Variants in TCERG1L observed in about 807,000 individuals in gnomAD.
TCERG1L encodes the protein transcription elongation regulator 1-like protein.
In TCERG1L, 37 loss-of-function variants were observed where a neutral mutation model predicts 56.3. The ratio of observed to expected loss-of-function variants is 0.66; its 90% confidence interval spans 0.51 to 0.87. The LOEUF (loss-of-function observed/expected upper bound fraction) is 0.87, where lower values mean the gene tolerates loss of function less well. TCERG1L is among the 40% of genes least tolerant of loss of function. TCERG1L has a pLI of 0.00. For synonymous variants in TCERG1L, 324 were observed against 326.3 expected, an observed-to-expected ratio of 0.99 and a Z score of 0.08; for missense variants, 799 against 774.2, an observed-to-expected ratio of 1.03 and a Z score of -0.38.
intron 4 of TCERG1L, among the ~76,000 whole-genome samples, chr10:131,249,444 G>A (rs776776829): frequency 2.6e-5 from 4 of 151,974 alleles, no homozygotes; most frequent in East Asian, 1.9e-4. Context: ...GGGCTTTCAC[G>A]GCCCTGACAG....
At chr10:131,233,777 T>A (rs111419857) in intron 4 of TCERG1L, among the ~76,000 whole-genome samples, 1 of 152,306 alleles carries the variant, frequency 6.6e-6, no homozygotes, top group Admixed American at 6.5e-5. Context: ...CCAAAACGCA[T>A]GATGAAATCT....
At chr10:131,254,727 C>T (rs1016669272) in intron 4 of TCERG1L, among the ~76,000 whole-genome samples, 4 of 152,116 alleles carry the variant, frequency 2.6e-5, no homozygotes, top group Admixed American at 6.5e-5. Flanking sequence ...CAAAAGGAGG[C>T]GTCAGGACGA....
intron 5 of TCERG1L, chr10:131,164,175 C>G (rs532294626): frequency 2.6e-4 from 38 of 147,712 alleles, no homozygotes; most frequent in African/African-American, 8.7e-4. Context: ...AAATTTATCA[C>G]CTAGAATAAA....
chr10:131,145,905 G>A (rs895041057), intron 7 of TCERG1L, among the ~76,000 whole-genome samples: 2 of 152,198 alleles, frequency 1.3e-5, no homozygotes, highest in African/African-American at 4.8e-5. Flanking sequence ...AGATCTAATC[G>A]GAAAAGATCC....
At chr10:131,304,641 C>T (rs957240785) in intron 3 of TCERG1L, among the ~76,000 whole-genome samples, 5 of 152,084 alleles carry the variant, frequency 3.3e-5, no homozygotes, top group African/African-American at 1.2e-4. Flanking sequence ...TCAACCCATT[C>T]ACAATGATCA....
rs531064805 is a variant in TCERG1L at position 131,135,917 on chromosome 10, C to T, written c.1190-1469G>A. Among the ~76,000 whole-genome samples the T allele has an allele frequency of 1.2e-4, 19 of 152,326 alleles. 1 individual carries two copies. The East Asian group carries it at 2.5e-3, about 20-fold the overall frequency. On this transcript the variant is annotated intron_variant, in intron 7 of 11. Transcript: ENST00000368642. ...AAGGGCGGAGGAGCCACAGCCCGGG[C>T]GGAGCTTCCTGGCTTTTCAGCGGCC...
At chr10:131,234,333 G>A (rs1425995967) in intron 4 of TCERG1L, among the ~76,000 whole-genome samples, 1 of 152,200 alleles carries the variant, frequency 6.6e-6, no homozygotes, top group African/African-American at 2.4e-5. Flanking sequence ...TTTTACCAAT[G>A]TAATTTCATG....
chr10:131,197,528 A>G (rs941641048), intron 4 of TCERG1L, among the ~76,000 whole-genome samples: 5 of 152,028 alleles, frequency 3.3e-5, no homozygotes, highest in African/African-American at 1.2e-4. Context: ...CACAAAGTGT[A>G]CAAAGGTACA....
chr10:131,106,190 T>A (rs1362971798), intron 9 of TCERG1L, among the ~76,000 whole-genome samples: 1 of 152,238 alleles, frequency 6.6e-6, no homozygotes, highest in Non-Finnish European at 1.5e-5. Flanking sequence ...ACATGGACTA[T>A]GTATTCACTG....
chr10:131,189,441 G>A (rs1480247235), intron 4 of TCERG1L, among the ~76,000 whole-genome samples: 4 of 152,204 alleles, frequency 2.6e-5, no homozygotes, highest in African/African-American at 9.7e-5. Context: ...CTGACCCGCA[G>A]TGTCTGGCTC....
Position 131,311,522 on chromosome 10 carries a change from G to GGGC in TCERG1L, c.111_113dup (p.Pro38dup), listed in dbSNP as rs891363436. Reference sequence around the variant, plus strand: ...CCGAGCCCGGCACCATCCAGACCCAGGGCGGCGGCGGCGGCGGCTCTGCGT... The same window carrying GGGC: ...CCGAGCCCGGCACCATCCAGACCCAGGGCGGCGGCGGCGGCGGCGGCTCTGCGT... On this transcript the variant is annotated inframe_insertion, in exon 1 of 12. Coordinates refer to ENST00000368642, the MANE Select transcript of TCERG1L (RefSeq NM_174937.4). This position sits in a 1 kb window ranked among gnomAD's most constrained non-coding sequence, Gnocchi z 4.0. 61 of 1,200,476 alleles carry GGGC rather than the reference G, an allele frequency of 5.1e-5. No homozygotes were observed. Among genetic ancestry groups the GGGC allele is most frequent in the South Asian group, 9.4e-5 (3 of 31,818 alleles). The allele number at this position is 1,200,476 out of a possible 1,614,324, so 74.4% of individuals were successfully genotyped here.
At chr10:131,141,219 T>C (rs1260693438) in intron 7 of TCERG1L, among the ~76,000 whole-genome samples, 1 of 152,156 alleles carries the variant, frequency 6.6e-6, no homozygotes, top group Non-Finnish European at 1.5e-5. Flanking sequence ...CTGTGATCTC[T>C]GCAGGGCTTC....
chr10:131,184,131 C>T (rs967854665), intron 4 of TCERG1L, among the ~76,000 whole-genome samples: 21 of 152,242 alleles, frequency 1.4e-4, no homozygotes, highest in African/African-American at 5.1e-4. Context: ...CACTCCAACA[C>T]CCCCTTGCCT....
intron 4 of TCERG1L, among the ~76,000 whole-genome samples, chr10:131,176,003 G>A (rs78792841): frequency 1.6e-4 from 25 of 152,244 alleles, no homozygotes; most frequent in African/African-American, 5.3e-4. Context: ...TTTAAGCAAC[G>A]CCCACCTTTC....
At chr10:131,222,567 T>A (rs1012052686) in intron 4 of TCERG1L, among the ~76,000 whole-genome samples, 2 of 152,146 alleles carry the variant, frequency 1.3e-5, no homozygotes, top group Admixed American at 1.3e-4. Context: ...AGTTCTAGAT[T>A]TTCACATGGT....
At chr10:131,136,539 A>C (rs1481207453) in intron 7 of TCERG1L, among the ~76,000 whole-genome samples, 2 of 152,030 alleles carry the variant, frequency 1.3e-5, no homozygotes, top group East Asian at 3.9e-4. Flanking sequence ...CCTGTCACCC[A>C]GGCTGGAGTA....
chr10:131,266,697 C>A (rs1345303425), intron 3 of TCERG1L, among the ~76,000 whole-genome samples: 5 of 152,096 alleles, frequency 3.3e-5, no homozygotes, highest in Non-Finnish European at 5.9e-5. Context: ...GAGTGTTCAG[C>A]TCTCAGCAGA....
chr10:131,124,776 C>T lies in TCERG1L; in HGVS notation c.1260-7842G>A, dbSNP rs147826540. On this transcript the variant is annotated intron_variant, in intron 8 of 11. Coordinates refer to ENST00000368642, the MANE Select transcript of TCERG1L (RefSeq NM_174937.4). ...TCGCAGGGGTGACCTGAGGAGGGAA[C>T]GCTGGGCGCTAATAAAATGCGTGGT... is the stretch of plus-strand genomic sequence containing the variant. Among the ~76,000 whole-genome samples the T allele has an allele frequency of 3.2e-3, 492 of 152,314 alleles. 3 individuals carry two copies. Among genetic ancestry groups the T allele is most frequent in the African/African-American group, 0.011 (464 of 41,574 alleles).
At chr10:131,184,900 C>T (rs539873839) in intron 4 of TCERG1L, among the ~76,000 whole-genome samples, 1 of 152,246 alleles carries the variant, frequency 6.6e-6, no homozygotes, top group South Asian at 2.1e-4. Flanking sequence ...TTACAAAACA[C>T]AAATAAACTC....
Sources: gnomAD v4.1 joint callset for allele counts (sites outside exome capture counted in the v4.1 genomes callset) on GRCh38, gnomAD v4.1.1 for gene constraint, Gnocchi (gnomAD v3.1) non-coding constraint, MANE v1.5 for transcripts, NCBI Gene and HGNC (gene_info 2026-07-23, HGNC 2026-07-21) for gene names.